Variants in DMD observed in about 807,000 individuals in gnomAD.
DMD encodes the protein mutant dystrophin.
A neutral mutation model predicts 330.1 loss-of-function variants in DMD; 63 were observed. The ratio of observed to expected loss-of-function variants is 0.19; its 90% CI spans 0.16 to 0.24. The LOEUF is 0.24. Among genes scored for constraint, DMD ranks in the 10% least tolerant of loss-of-function variants. The pLI is 1.00. For synonymous variants in DMD, 1,223 were observed against 959.8 expected (o/e 1.27, Z -5.07); for missense variants, 3,344 against 2,684.1 (o/e 1.25, Z -5.43).
At chrX:32,851,308 C>T (rs138053939) in intron 2 of DMD, among the ~76,000 whole-genome samples, 2 of 112,043 alleles carry the variant, frequency 1.8e-5, no homozygotes, top group Non-Finnish European at 3.8e-5. Context: ...CCCTGTGTGC[C>T]CAGCTTTGTG....
At chrX:32,355,558 A>T (rs1430944481) in intron 37 of DMD, among the ~76,000 whole-genome samples, 1 of 111,822 alleles carries the variant, frequency 8.9e-6, no homozygotes, top group African/African-American at 3.2e-5. Context: ...ACTCAATTAC[A>T]CATCTACTTT....
At chrX:32,633,834 T>A (rs2058908979) in intron 11 of DMD, among the ~76,000 whole-genome samples, 1 of 111,022 alleles carries the variant, frequency 9.0e-6, no homozygotes. Context: ...GCCACGCTTT[T>A]AAACAACCAG....
intron 62 of DMD, among the ~76,000 whole-genome samples, chrX:31,321,583 CA>C (rs1190446358): frequency 0.047 from 486 of 10,426 alleles, no homozygotes; most frequent in Non-Finnish European, 0.05. Flanking sequence ...AACTCCATCT[CA>C]AAAAAAAAAA....
intron 37 of DMD, among the ~76,000 whole-genome samples, chrX:32,358,539 T>C (rs2097816412): frequency 8.9e-6 from 1 of 111,948 alleles, no homozygotes; most frequent in Non-Finnish European, 1.9e-5. Context: ...AAAAACACGC[T>C]TTTTTCAAAG....
intron 20 of DMD, among the ~76,000 whole-genome samples, chrX:32,488,977 T>C (rs749473226): frequency 1.0e-3 from 112 of 111,274 alleles, no homozygotes; most frequent in Non-Finnish European, 1.9e-3. Context: ...TTCTAACTTA[T>C]CACAAAAGTC....
intron 60 of DMD, among the ~76,000 whole-genome samples, chrX:31,355,336 G>A (rs1346248106): frequency 8.9e-6 from 1 of 111,844 alleles, no homozygotes; most frequent in Non-Finnish European, 1.9e-5. Context: ...TCTTCCTAGT[G>A]TCCAAGCTAC....
chrX:32,238,730 C>T (rs1308495596), intron 43 of DMD, among the ~76,000 whole-genome samples: 1 of 111,865 alleles, frequency 8.9e-6, no homozygotes, highest in African/African-American at 3.2e-5. Context: ...GTGTTCCTTT[C>T]TGCTATTTTC....
chrX:31,890,500 T>C (rs1443054330), intron 47 of DMD, among the ~76,000 whole-genome samples: 1 of 111,588 alleles, frequency 9.0e-6, no homozygotes, highest in Non-Finnish European at 1.9e-5. Flanking sequence ...ACATTTCCAA[T>C]GCTCAAAACC....
At chrX:31,532,135 C>G (rs1395955351) in intron 55 of DMD, among the ~76,000 whole-genome samples, 1 of 95,244 alleles carries the variant, frequency 1.0e-5, no homozygotes, top group South Asian at 5.0e-4. Context: ...ATACAGAGAA[C>G]GCCACAAAGA....
intron 3 of DMD, among the ~76,000 whole-genome samples, chrX:32,848,091 A>T (rs191372783): frequency 8.9e-6 from 1 of 112,148 alleles, no homozygotes; most frequent in Non-Finnish European, 1.9e-5. Context: ...TGACTCAGTC[A>T]GGGAAATGAC....
chrX:31,641,216 G>A lies in DMD; in HGVS notation c.8028-13354C>T, dbSNP rs753869616. On this transcript the variant is annotated intron_variant, in intron 54 of 78. Transcript: ENST00000357033. ...AGAGGTAGAGATAAAAAGAAATAAGGAGGGATCGGCCATGGTGGCTCACGC... is the reference window on the plus strand; with the variant it reads ...AGAGGTAGAGATAAAAAGAAATAAGAAGGGATCGGCCATGGTGGCTCACGC... 2.7e-5 allele frequency among the ~76,000 whole-genome samples: 3 copies of A among 110,977 alleles called. No homozygotes were observed. In the Admixed American group the frequency reaches 2.9e-4, roughly 11 times the overall value.
chrX:32,345,710 C>A (rs1282182568), intron 39 of DMD, among the ~76,000 whole-genome samples: 3 of 110,002 alleles, frequency 2.7e-5, no homozygotes, highest in Non-Finnish European at 5.7e-5. Context: ...GCATTCCCAT[C>A]TTTCAATTAC....
chrX:33,247,809 T>C (rs990288200), intron 1 of DMD, among the ~76,000 whole-genome samples: 10 of 111,623 alleles, frequency 9.0e-5, no homozygotes, highest in African/African-American at 3.2e-4. Flanking sequence ...GTTGGTAAAT[T>C]AAGACTGGGT....
intron 55 of DMD, among the ~76,000 whole-genome samples, chrX:31,566,295 C>CTT (rs201177137): frequency 1.8e-5 from 2 of 110,232 alleles, no homozygotes; most frequent in African/African-American, 6.6e-5. Flanking sequence ...GGTTGAAGTT[C>CTT]TTTTTTTTTC....
chrX:32,883,106 T>G (rs189256220), intron 2 of DMD, among the ~76,000 whole-genome samples: 20 of 112,073 alleles, frequency 1.8e-4, no homozygotes, highest in Non-Finnish European at 2.3e-4. Flanking sequence ...CTTAAGCATG[T>G]AAATTAATTG....
chrX:33,143,079 A>G (rs1219092910), intron 1 of DMD, among the ~76,000 whole-genome samples: 1 of 111,869 alleles, frequency 8.9e-6, no homozygotes, highest in East Asian at 2.8e-4. Flanking sequence ...TATCATAATC[A>G]TCAAGGTTAG....
intron 16 of DMD, among the ~76,000 whole-genome samples, chrX:32,563,606 C>T (rs751530205): frequency 2.7e-5 from 3 of 111,337 alleles, no homozygotes; most frequent in South Asian, 3.8e-4. Flanking sequence ...GAAGACATCA[C>T]GTCAATTGCC....
intron 1 of DMD, among the ~76,000 whole-genome samples, chrX:33,080,937 T>C (rs781367736): frequency 4.6e-4 from 51 of 110,240 alleles, no homozygotes; most frequent in Non-Finnish European, 8.3e-4. Flanking sequence ...TAAGCACTTA[T>C]TTTCCAAGCC....
chrX:32,895,371 A>C (rs2085611002), intron 2 of DMD, among the ~76,000 whole-genome samples: 1 of 112,566 alleles, frequency 8.9e-6, no homozygotes, highest in African/African-American at 3.2e-5. Context: ...AACTGAGCAA[A>C]TACTTTATAC....
Sources: allele counts gnomAD v4.1 joint callset (sites outside exome capture counted in the v4.1 genomes callset), GRCh38; gene constraint gnomAD v4.1.1; transcripts MANE v1.5; gene names NCBI Gene and HGNC (gene_info 2026-07-23, HGNC 2026-07-21).